CNTNAP2: variants seen among roughly 807,000 people sequenced by gnomAD.
CNTNAP2 encodes contactin associated protein 2.
A neutral mutation model predicts 155.2 loss-of-function variants in CNTNAP2; 98 were observed. The observed-to-expected ratio is 0.63, with a 90% CI of 0.54 to 0.75. The LOEUF (loss-of-function observed/expected upper bound fraction) is 0.75. CNTNAP2 is among the 30% of genes least tolerant of loss of function. The pLI is 0.00. For synonymous variants in CNTNAP2, 651 were observed against 631.2 expected, an observed-to-expected ratio of 1.03 and a Z score of -0.47; for missense variants, 1,727 against 1,688.1, an observed-to-expected ratio of 1.02 and a Z score of -0.40.
chr7:146,637,130 C>G (rs992883911), intron 1 of CNTNAP2, among the ~76,000 whole-genome samples: 1 of 152,150 alleles, frequency 6.6e-6, no homozygotes, highest in Non-Finnish European at 1.5e-5. Flanking sequence ...TGCTGAGTGG[C>G]TTACTTTAAA....
In CNTNAP2 at chr7:147,239,485, G is replaced by A. The variant is rs1202191263; in HGVS notation, c.1349-60656G>A. On this transcript the variant is annotated intron_variant, in intron 8 of 23. Coordinates refer to ENST00000361727, the MANE Select transcript of CNTNAP2 (RefSeq NM_014141.6). ...AGATTGCGCCACTGCACTCCAGCCT[G>A]GGCAATAGAGCGAGACTCCGTTTCC... is the stretch of plus-strand genomic sequence containing the variant. 2.6e-5 allele frequency among the ~76,000 whole-genome samples: 4 copies of A among 150,964 alleles called. No homozygotes were observed. The South Asian group carries it at 6.3e-4, about 24-fold the overall frequency.
chr7:146,592,679 A>T (rs1422963667), intron 1 of CNTNAP2, among the ~76,000 whole-genome samples: 1 of 152,184 alleles, frequency 6.6e-6, no homozygotes, highest in African/African-American at 2.4e-5. Context: ...CTAGATCAAA[A>T]TGAGGAAAGA....
At chr7:147,265,269 A>C (rs1036393234) in intron 8 of CNTNAP2, among the ~76,000 whole-genome samples, 15 of 152,308 alleles carry the variant, frequency 9.8e-5, no homozygotes, top group Middle Eastern at 3.4e-3. Context: ...AACGTGTGCC[A>C]TGGGGCAGCA....
intron 10 of CNTNAP2, among the ~76,000 whole-genome samples, chr7:147,417,849 G>A (rs1241561523): frequency 3.3e-5 from 5 of 152,168 alleles, no homozygotes; most frequent in African/African-American, 1.2e-4. Context: ...AAATATTTGA[G>A]ATTAATTAAA....
At chr7:146,647,224 A>G (rs1027064503) in intron 1 of CNTNAP2, among the ~76,000 whole-genome samples, 1 of 152,178 alleles carries the variant, frequency 6.6e-6, no homozygotes, top group Non-Finnish European at 1.5e-5. Flanking sequence ...GCTGTTTGAC[A>G]GCAACCTTTA....
intron 15 of CNTNAP2, among the ~76,000 whole-genome samples, chr7:148,013,391 C>CA (rs1331448032): frequency 2.0e-5 from 3 of 152,208 alleles, no homozygotes; most frequent in Admixed American, 2.0e-4. Context: ...TGAAGGAAGC[C>CA]AAAAAATCTT....
intron 3 of CNTNAP2, among the ~76,000 whole-genome samples, chr7:146,843,200 G>A (rs1475026860): frequency 1.6e-4 from 22 of 136,076 alleles, no homozygotes; most frequent in African/African-American, 5.2e-4. Context: ...TTTTAGTAGA[G>A]ACGGGGTTTC....
intron 1 of CNTNAP2, among the ~76,000 whole-genome samples, chr7:146,125,369 G>A (rs1257046862): frequency 1.3e-5 from 2 of 151,998 alleles, no homozygotes; most frequent in Non-Finnish European, 2.9e-5. Flanking sequence ...GAGGTCAGGA[G>A]ATCGAGAACA....
chr7:146,663,125 A>G lies in CNTNAP2; in HGVS notation c.98-111146A>G, dbSNP rs566063993. ...AAATCCCATCTTTAATAAAAATACA[A>G]ATAATAGCCGGCTGTGGTGGTGCAT... On this transcript the variant is annotated intron_variant, in intron 1 of 23. Coordinates refer to ENST00000361727, the MANE Select transcript of CNTNAP2 (RefSeq NM_014141.6). 2.0e-5 allele frequency among the ~76,000 whole-genome samples: 3 copies of G among 152,022 alleles called. No individual in the cohort carries two copies. In the South Asian group the frequency reaches 6.2e-4, roughly 32 times the overall value.
chr7:146,969,190 G>T (rs1414349451), intron 3 of CNTNAP2, among the ~76,000 whole-genome samples: 1,602 of 151,574 alleles, frequency 0.011, 25 homozygotes, highest in African/African-American at 0.038. Flanking sequence ...TTGTTATAAT[G>T]TCTGATCTTT....
intron 13 of CNTNAP2, among the ~76,000 whole-genome samples, chr7:147,730,286 C>T (rs1366765069): frequency 2.6e-5 from 4 of 152,064 alleles, no homozygotes; most frequent in Non-Finnish European, 4.4e-5. Context: ...TATTGAGCTT[C>T]GCAGATACTG....
At chr7:146,266,206 T>C (rs1209640316) in intron 1 of CNTNAP2, among the ~76,000 whole-genome samples, 1 of 152,164 alleles carries the variant, frequency 6.6e-6, no homozygotes, top group Non-Finnish European at 1.5e-5. Context: ...ACAAAGGCAA[T>C]GTAAGCTGAA....
intron 1 of CNTNAP2, among the ~76,000 whole-genome samples, chr7:146,206,976 A>G (rs1420923401): frequency 1.3e-5 from 2 of 151,954 alleles, no homozygotes; most frequent in Non-Finnish European, 2.9e-5. Context: ...GTGGGTCCTT[A>G]GCTAACACCA....
rs1476806004 is a variant in CNTNAP2, at chr7:148,118,221, A to G, written c.2487A>G (p.Thr829=). The G allele has an allele frequency of 1.2e-6, 2 of 1,614,090 alleles. No individual in the cohort carries two copies. The highest frequency in any genetic ancestry group is 1.7e-6 in the Non-Finnish European group (2 of 1,180,044). Residue 829 remains threonine, a synonymous_variant, in exon 16 of 24, where the codon ACA becomes ACG. Transcript: ENST00000361727. ...TSADISFYFK[T]LTPWGVFLEN... ...CTGACATTTCTTTCTACTTCAAAAC[A>G]TTAACCCCCTGGGGAGTGTTTCTTG...
At chr7:146,703,534 T>A (rs943093497) in intron 1 of CNTNAP2, among the ~76,000 whole-genome samples, 8 of 152,128 alleles carry the variant, frequency 5.3e-5, no homozygotes, top group Non-Finnish European at 8.8e-5. Flanking sequence ...TATCATAAAC[T>A]GGGTGGCTTA....
chr7:147,488,355 CTT>C (rs1387764080), intron 11 of CNTNAP2, among the ~76,000 whole-genome samples: 3 of 152,160 alleles, frequency 2.0e-5, no homozygotes, highest in African/African-American at 7.2e-5. Flanking sequence ...AATCATTTGA[CTT>C]TTCTTGCACT....
chr7:146,584,547 TG>T (rs1415043817), intron 1 of CNTNAP2, among the ~76,000 whole-genome samples: 2 of 152,244 alleles, frequency 1.3e-5, no homozygotes, highest in Non-Finnish European at 2.9e-5. Context: ...TTGTTGTCTT[TG>T]GGGTACCCCT....
At chr7:146,731,701 A>G (rs963351315) in intron 1 of CNTNAP2, among the ~76,000 whole-genome samples, 1 of 152,162 alleles carries the variant, frequency 6.6e-6, no homozygotes, top group Non-Finnish European at 1.5e-5. Context: ...GCACGGATAG[A>G]AGTGTGTTTT....
At chr7:147,344,307 C>T (rs1795812328) in intron 9 of CNTNAP2, among the ~76,000 whole-genome samples, 1 of 152,082 alleles carries the variant, frequency 6.6e-6, no homozygotes, top group Non-Finnish European at 1.5e-5. Flanking sequence ...AAAATGCAGA[C>T]AAGATACAGT....
Sources: gnomAD v4.1 joint callset for allele counts (sites outside exome capture counted in the v4.1 genomes callset) on GRCh38, gnomAD v4.1.1 for gene constraint, MANE v1.5 for transcripts, NCBI Gene and HGNC (gene_info 2026-07-23, HGNC 2026-07-21) for gene names.